Variants in APP observed in about 807,000 individuals in gnomAD.
APP encodes amyloid-beta precursor protein.
Under a neutral mutation model 101.4 loss-of-function variants are expected in APP, and 31 were observed. The observed-to-expected ratio is 0.31, with a 90% confidence interval of 0.23 to 0.41. The LOEUF (loss-of-function observed/expected upper bound fraction) is 0.41. APP is among the 10% of genes least tolerant of loss of function. The pLI is 1.00. For missense variants in APP, 839 were observed against 1,003.7 expected, an observed-to-expected ratio of 0.84 and a Z score of 2.22; for synonymous variants, 366 against 364.4, an observed-to-expected ratio of 1.00 and a Z score of -0.05.
chr21:26,055,004 A>G (rs1380270130), intron 3 of APP, among the ~76,000 whole-genome samples: 1 of 152,196 alleles, frequency 6.6e-6, no homozygotes, highest in East Asian at 1.9e-4. Context: ...TATTTCAATA[A>G]GTACTATTTA....
intron 1 of APP, among the ~76,000 whole-genome samples, chr21:26,149,621 T>A (rs2063221154): frequency 6.6e-6 from 1 of 152,206 alleles, no homozygotes; most frequent in Admixed American, 6.5e-5. Flanking sequence ...ACAATAATTC[T>A]CCCTGTCTTA....
chr21:26,089,968 G>A lies in APP; in HGVS notation c.330C>T (p.His110=), dbSNP rs202145222. 1.2e-6 allele frequency: 2 copies of A among 1,614,066 alleles called. No homozygotes were observed. Among genetic ancestry groups the A allele is most frequent in the South Asian group, 1.1e-5 (1 of 91,092 alleles). ...RGRKQCKTHP[H]FVIPYRCLVG... The stretch of plus-strand genomic sequence containing the variant: ...CTAAGCAGCGGTAGGGAATCACAAA[G>A]TGGGGATGGGTCTTGCACTGCTTGC... Residue 110 remains histidine (H), a synonymous_variant, in exon 3 of 18, where the codon CAC becomes CAT. Coordinates refer to ENST00000346798, the MANE Select transcript of APP (RefSeq NM_000484.4).
At chr21:26,006,183 A>C (rs894100415) in intron 6 of APP, among the ~76,000 whole-genome samples, 1 of 152,240 alleles carries the variant, frequency 6.6e-6, no homozygotes, top group Non-Finnish European at 1.5e-5. Context: ...ATATTTCCTA[A>C]AGAGAAATGT....
intron 13 of APP, chr21:25,934,636 A>G (rs1212719966): frequency 6.6e-6 from 1 of 152,140 alleles, no homozygotes; most frequent in Non-Finnish European, 1.5e-5. Flanking sequence ...GGGTTTCACC[A>G]TATTGGCCAG....
At chr21:26,141,856 C>CA (rs2063053392) in intron 1 of APP, among the ~76,000 whole-genome samples, 1 of 152,140 alleles carries the variant, frequency 6.6e-6, no homozygotes, top group African/African-American at 2.4e-5. Context: ...ATGAAGCATT[C>CA]AAAAATTCAG....
chr21:26,115,424 C>G (rs1340042029), intron 1 of APP, among the ~76,000 whole-genome samples: 4 of 152,346 alleles, frequency 2.6e-5, no homozygotes, highest in African/African-American at 4.8e-5. Context: ...TGAAGCCCAT[C>G]TGCAAACAAT....
At chr21:26,006,601 A>G in intron 6 of APP, among the ~76,000 whole-genome samples, 1 of 152,228 alleles carries the variant, frequency 6.6e-6, no homozygotes, top group South Asian at 2.1e-4. Flanking sequence ...TCATTGTTCA[A>G]AAAATAATGC....
At chr21:25,912,738 C>A (rs1006395376) in intron 13 of APP, among the ~76,000 whole-genome samples, 2 of 152,118 alleles carry the variant, frequency 1.3e-5, no homozygotes, top group African/African-American at 2.4e-5. Flanking sequence ...CCTACCCCCC[C>A]ACTTTAAAAA....
intron 11 of APP, among the ~76,000 whole-genome samples, chr21:25,962,282 T>C (rs2041613832): frequency 6.6e-6 from 1 of 152,192 alleles, no homozygotes; most frequent in Non-Finnish European, 1.5e-5. Context: ...CGAAATGGCT[T>C]AGACATCATT....
intron 15 of APP, 55 bp downstream of exon 15, chr21:25,904,969 C>G: frequency 6.8e-7 from 1 of 1,481,318 alleles, no homozygotes; most frequent in East Asian, 2.3e-5. Context: ...GAGACAACGT[C>G]TGCTCGAGCT....
chr21:26,156,663 C>CAGATG (rs2063381377), intron 1 of APP, among the ~76,000 whole-genome samples: 1 of 152,158 alleles, frequency 6.6e-6, no homozygotes, highest in Admixed American at 6.5e-5. Context: ...CAAATATTTT[C>CAGATG]AGATGTATGA....
At chr21:25,975,029 G>A in intron 11 of APP, 41 bp downstream of exon 11, 1 of 1,613,052 alleles carries the variant, frequency 6.2e-7, no homozygotes, top group Non-Finnish European at 8.5e-7. Context: ...TACTGTCTGT[G>A]CTGTGACCTG....
At chr21:26,117,838 TGA>T (rs1017178687) in intron 1 of APP, among the ~76,000 whole-genome samples, 2 of 152,190 alleles carry the variant, frequency 1.3e-5, no homozygotes, top group African/African-American at 4.8e-5. Flanking sequence ...TTTCAGAGCT[TGA>T]GTTTCGGCTT....
At chr21:25,988,874 A>G (rs1384597733) in intron 8 of APP, among the ~76,000 whole-genome samples, 1 of 152,060 alleles carries the variant, frequency 6.6e-6, no homozygotes, top group Non-Finnish European at 1.5e-5. Flanking sequence ...TGAAAACGGG[A>G]GAAACTGCTT....
intron 4 of APP, 106 bp downstream of exon 4, chr21:26,053,130 A>G (rs1479693025): frequency 2.4e-5 from 21 of 892,720 alleles, no homozygotes; most frequent in South Asian, 1.3e-5. Flanking sequence ...TTTTTCTTAA[A>G]TAACTTATCA....
intron 8 of APP, among the ~76,000 whole-genome samples, chr21:25,992,929 A>G (rs1238194241): frequency 6.6e-6 from 1 of 152,190 alleles, no homozygotes; most frequent in Non-Finnish European, 1.5e-5. Context: ...AAAGAACAAG[A>G]ATAGTGTGAT....
At chr21:26,065,113 C>G (rs896744715) in intron 3 of APP, among the ~76,000 whole-genome samples, 8 of 152,158 alleles carry the variant, frequency 5.3e-5, no homozygotes, top group Non-Finnish European at 1.0e-4. Context: ...CTCGGCCTCC[C>G]AAAGTGCTGG....
At chr21:26,030,110 C>G (rs911266226) in intron 5 of APP, among the ~76,000 whole-genome samples, 7 of 152,136 alleles carry the variant, frequency 4.6e-5, no homozygotes, top group Non-Finnish European at 1.0e-4. Flanking sequence ...AATATCCTAG[C>G]AATAGAGCAA....
chr21:26,103,666 T>C (rs1201045959), intron 2 of APP, among the ~76,000 whole-genome samples: 1 of 152,188 alleles, frequency 6.6e-6, no homozygotes, highest in African/African-American at 2.4e-5. Context: ...AAGGAAAGTA[T>C]AGGCTCCATT....
Sources: allele counts gnomAD v4.1 joint callset (sites outside exome capture counted in the v4.1 genomes callset), GRCh38; gene constraint gnomAD v4.1.1; transcripts MANE v1.5; gene names NCBI Gene and HGNC (gene_info 2026-07-23, HGNC 2026-07-21).